The following GABBR2 variants were observed in gnomAD, a reference collection of about 807,000 sequenced individuals.
GABBR2 encodes the protein G-protein coupled receptor 51.
GABBR2 carries 23 observed loss-of-function variants against 105.6 expected under a neutral mutation model. That is an observed-to-expected ratio of 0.22 (90% CI 0.16 to 0.31). The LOEUF (loss-of-function observed/expected upper bound fraction) is 0.31, where lower values mean the gene tolerates loss of function less well. Ranked by LOEUF, GABBR2 falls within the 10% of genes least tolerant of loss-of-function variation. GABBR2 has a pLI of 1.00. For synonymous variants in GABBR2, 478 were observed against 499.7 expected (o/e 0.96, Z 0.58); for missense variants, 734 against 1,245.5 (o/e 0.59, Z 6.18).
chr9:98,328,754 C>G (rs1382883856), intron 13 of GABBR2, among the ~76,000 whole-genome samples: 1 of 152,130 alleles, frequency 6.6e-6, no homozygotes. Context: ...AGGCTGGGGC[C>G]AGAACTGCCT....
At chr9:98,575,893 C>T (rs1363863266) in intron 2 of GABBR2, among the ~76,000 whole-genome samples, 1 of 152,224 alleles carries the variant, frequency 6.6e-6, no homozygotes. Flanking sequence ...TACTTTCCCA[C>T]CTCCCGCTTT....
intron 1 of GABBR2, among the ~76,000 whole-genome samples, chr9:98,602,354 C>T (rs1022548012): frequency 5.3e-5 from 8 of 151,530 alleles, no homozygotes; most frequent in Non-Finnish European, 1.0e-4. Context: ...CACCCGTAAT[C>T]CCAGCTACTT....
intron 2 of GABBR2, among the ~76,000 whole-genome samples, chr9:98,574,350 G>A (rs1351866895): frequency 6.6e-6 from 1 of 152,186 alleles, no homozygotes; most frequent in Non-Finnish European, 1.5e-5. Flanking sequence ...CTCTGCCTTG[G>A]TCTTTTCGTG....
intron 8 of GABBR2, among the ~76,000 whole-genome samples, chr9:98,400,746 G>A (rs1832380334): frequency 6.6e-6 from 1 of 152,134 alleles, no homozygotes; most frequent in Non-Finnish European, 1.5e-5. Flanking sequence ...GAAACAAAGT[G>A]TTGAGTGGAA....
chr9:98,447,059 ACTT>A (rs1378026844), intron 7 of GABBR2, among the ~76,000 whole-genome samples: 1 of 116,132 alleles, frequency 8.6e-6, no homozygotes, highest in African/African-American at 3.6e-5. Flanking sequence ...CCTAAAAAAG[ACTT>A]CTTTTTTTTT....
rs138189527 is a variant in GABBR2, at chr9:98,588,710, G to A, written c.322-10638C>T. Among the ~76,000 whole-genome samples, 1,011 of 152,236 alleles carry A rather than the reference G, an allele frequency of 6.6e-3. 4 individuals carry two copies. Among genetic ancestry groups the A allele is most frequent in the African/African-American group, 0.023 (962 of 41,534 alleles). ...ATCATATCCATGTTCTGTTCTTTTC[G>A]GGCACAGGGTAAGACTACATTTCCC... On this transcript the variant is annotated intron_variant, in intron 1 of 18. Transcript: ENST00000259455.
At chr9:98,491,107 T>A (rs867326949) in intron 4 of GABBR2, among the ~76,000 whole-genome samples, 24 of 152,184 alleles carry the variant, frequency 1.6e-4, no homozygotes, top group African/African-American at 5.8e-4. Context: ...GGCTTTTCTT[T>A]CTTTATTTCA....
chr9:98,536,124 T>A (rs1251325652), intron 3 of GABBR2, among the ~76,000 whole-genome samples: 2 of 152,156 alleles, frequency 1.3e-5, no homozygotes, highest in Non-Finnish European at 2.9e-5. Flanking sequence ...TCAATTTTGC[T>A]ATGAATTTAA....
At chr9:98,602,971 G>A (rs1187175662) in intron 1 of GABBR2, among the ~76,000 whole-genome samples, 1 of 152,180 alleles carries the variant, frequency 6.6e-6, no homozygotes, top group Non-Finnish European at 1.5e-5. Context: ...TCTATAAAGT[G>A]TAGTGATTCC....
chr9:98,411,688 AGTAG>A (rs1832594115), intron 7 of GABBR2, among the ~76,000 whole-genome samples: 2 of 152,130 alleles, frequency 1.3e-5, no homozygotes, highest in African/African-American at 2.4e-5. Context: ...CAGCCTCCCA[AGTAG>A]CTGGGACCAT....
In GABBR2 at chr9:98,708,805, G is replaced by A. The variant is rs1830940280; in HGVS notation, c.-68C>T. Reference sequence around the variant, plus strand: ...GGCCTGGCCCGGCCCGCCGCCCCGCGCCAAGGTCTTCCCGCGGCGCCCGCG... The same window carrying A: ...GGCCTGGCCCGGCCCGCCGCCCCGCACCAAGGTCTTCCCGCGGCGCCCGCG... On this transcript the variant is annotated 5_prime_UTR_variant, in exon 1 of 19. Transcript: ENST00000259455. The A allele has an allele frequency of 2.1e-6, 2 of 938,182 alleles. No homozygotes were observed. The highest frequency in any genetic ancestry group is 2.5e-6 in the Non-Finnish European group (2 of 788,960). The allele number at this position is 938,182 out of a possible 1,614,324, so 58.1% of individuals were successfully genotyped here.
intron 17 of GABBR2, among the ~76,000 whole-genome samples, chr9:98,298,651 C>T (rs9987773): frequency 0.067 from 10,157 of 152,046 alleles, 487 homozygotes; most frequent in East Asian, 0.19. Flanking sequence ...GAGATGGGGT[C>T]TTGCTATGCT....
chr9:98,349,854 A>G (rs555095124), intron 13 of GABBR2, among the ~76,000 whole-genome samples: 1 of 152,274 alleles, frequency 6.6e-6, no homozygotes, highest in Non-Finnish European at 1.5e-5. Context: ...GTTTGGTAGA[A>G]TTCAGCAATA....
chr9:98,591,353 G>A (rs781216929), intron 1 of GABBR2, among the ~76,000 whole-genome samples: 9 of 152,178 alleles, frequency 5.9e-5, no homozygotes, highest in Non-Finnish European at 4.4e-5. Context: ...GGGTGGGTTC[G>A]GACTGGCTTG....
chr9:98,668,883 TTGTGTGTGTGTGTGTGTG>T (rs35341252), intron 1 of GABBR2, among the ~76,000 whole-genome samples: 1 of 147,612 alleles, frequency 6.8e-6, no homozygotes. Flanking sequence ...ATATTCCATT[TTGTGTGTGTGTGTGTGTG>T]TGTGTGTGTG....
At chr9:98,604,896 T>A (rs1207291624) in intron 1 of GABBR2, among the ~76,000 whole-genome samples, 4 of 152,272 alleles carry the variant, frequency 2.6e-5, no homozygotes, top group Admixed American at 2.6e-4. Flanking sequence ...ACCCCTCATC[T>A]CCCAGGAGTC....
At chr9:98,612,421 G>A (rs1829517700) in intron 1 of GABBR2, among the ~76,000 whole-genome samples, 1 of 152,240 alleles carries the variant, frequency 6.6e-6, no homozygotes, top group South Asian at 2.1e-4. Flanking sequence ...GTGACAGGCT[G>A]AGGAGGGATT....
Position 98,585,987 on chromosome 9 carries a change from C to A in GABBR2, c.322-7915G>T, listed in dbSNP as rs1029643726. The stretch of plus-strand genomic sequence containing the variant: ...GTACTCAACCTGTACTGTTATTTCC[C>A]TTTTACAGATAAGGAATTTGAGGCT... On this transcript the variant is annotated intron_variant, in intron 1 of 18. Coordinates refer to ENST00000259455, the MANE Select transcript of GABBR2 (RefSeq NM_005458.8). Among the ~76,000 whole-genome samples the A allele has an allele frequency of 2.1e-4, 5 of 23,426 alleles. 2 individuals are homozygous for A. The highest frequency in any genetic ancestry group is 1.3e-4 in the Non-Finnish European group (1 of 7,926). 15.4% of individuals were successfully genotyped at this position (23,426 alleles called of 152,430 possible).
intron 8 of GABBR2, among the ~76,000 whole-genome samples, chr9:98,402,318 T>A (rs1195902437): frequency 1.3e-5 from 2 of 152,186 alleles, no homozygotes; most frequent in East Asian, 3.9e-4. Context: ...GTAACATGGA[T>A]ACTTTTTTTC....
Sources: gnomAD v4.1 joint callset for allele counts (sites outside exome capture counted in the v4.1 genomes callset) on GRCh38, gnomAD v4.1.1 for gene constraint, MANE v1.5 for transcripts, NCBI Gene and HGNC (gene_info 2026-07-23, HGNC 2026-07-21) for gene names.